The following HK3 variants were observed in gnomAD, a reference collection of about 807,000 sequenced individuals.
The protein encoded by HK3 is hexokinase 3.
In HK3, 93 loss-of-function variants were observed where a neutral mutation model predicts 91.0. That is an observed-to-expected ratio of 1.02 (90% CI 0.86 to 1.21). The LOEUF (loss-of-function observed/expected upper bound fraction) is 1.21, where lower values mean the gene tolerates loss of function less well. Among genes scored for constraint, HK3 ranks in the 50% most tolerant of loss-of-function variants. The pLI, the probability that HK3 is intolerant of heterozygous loss-of-function variation, is 0.00. For synonymous variants in HK3, 519 were observed against 516.9 expected, an observed-to-expected ratio of 1.00 and a Z score of -0.06; for missense variants, 1,235 against 1,247.4, an observed-to-expected ratio of 0.99 and a Z score of 0.15.
rs776797141 is a variant in HK3 at position 176,891,140 on chromosome 5, C to T, written c.311G>A (p.Arg104His). The stretch of plus-strand genomic sequence containing the variant: ...GCCAGTTAGAGTCACCCACAAAACA[C>T]GCAGTGAGGCCCCTGTGGCCCCCAG... Reference protein sequence around the residue: ...LELGATGASLRVLWVTLTGIE... With the variant: ...LELGATGASLHVLWVTLTGIE... Residue 104 changes from arginine to histidine, a missense_variant, in exon 4 of 19, where the codon CGT becomes CAT. Arg to His is a conservative substitution (Grantham distance 29). Transcript: ENST00000292432. The T allele has an allele frequency of 4.1e-5, 66 of 1,614,048 alleles. No individual in the cohort carries two copies. The highest frequency in any genetic ancestry group is 1.3e-4 in the South Asian group (12 of 91,092).
Position 176,890,865 on chromosome 5 carries a change from C to T in HK3, c.491G>A (p.Gly164Asp). 6.2e-7 allele frequency: 1 copy of T among 1,614,102 alleles called. No individual in the cohort carries two copies. The highest frequency in any genetic ancestry group is 2.2e-5 in the East Asian group (1 of 44,878). ...GTGACAAGGGAAAGAGAAGCTGAAG[C>T]CAAGCTGCAGACCCTGTTTGTTCAC... is the stretch of plus-strand genomic sequence containing the variant. ...QPVNKQGLQLGFSFSFPCHQT... is the reference protein window; with the variant it reads ...QPVNKQGLQLDFSFSFPCHQT... The change falls in exon 5 of 19, where the codon GGC becomes GAC. Residue 164 changes from glycine to aspartate, a missense_variant. Gly to Asp is a moderately conservative substitution (Grantham distance 94). Coordinates refer to ENST00000292432, the MANE Select transcript of HK3 (RefSeq NM_002115.3).
At position 176,880,969 on chromosome 5, in the gene HK3, A is replaced by G. The variant is rs1280722711; in HGVS notation, c.*104T>C. The G allele has an allele frequency of 2.3e-6, 3 of 1,327,150 alleles. No homozygotes were observed. The highest frequency in any genetic ancestry group is 3.0e-6 in the Non-Finnish European group (3 of 992,418). The allele number at this position is 1,327,150 out of a possible 1,614,324, so 82.2% of individuals were successfully genotyped here. ...TGGCCGCAGAGGGGTCACACATGGG[A>G]TGTCCCAGGAGTCCTGGGTGGCTGG... On this transcript the variant is annotated 3_prime_UTR_variant, in exon 19 of 19. Transcript: ENST00000292432.
Position 176,887,652 on chromosome 5 carries a change from C to G in HK3, c.1399G>C (p.Ala467Pro), listed in dbSNP as rs1758635882. The G allele has an allele frequency of 6.2e-7, 1 of 1,613,652 alleles. No individual in the cohort carries two copies. The highest frequency in any genetic ancestry group is 8.5e-7 in the Non-Finnish European group (1 of 1,179,978). The change falls in exon 11 of 19, where the codon GCG (alanine) becomes CCG (proline). Residue 467 changes from alanine (A) to proline (P), a missense_variant. Transcript: ENST00000292432. The surrounding 1 kb of genome is among the most constrained non-coding windows in gnomAD (Gnocchi z 4.9). ...PSVDGGGRGV[A>P]MVTAVAARLA... ...CGGGCAGCCACGGCAGTCACCATCG[C>G]CACTCCCCGGCCACCACCATCCACA...
At chr5:176,882,210 C>T (rs1029135769) in intron 15 of HK3, 83 bp from the exon 16 acceptor site, 65 of 1,424,106 alleles carry the variant, frequency 4.6e-5, no homozygotes, top group South Asian at 4.2e-4. Flanking sequence ...GAGATGGCAA[C>T]GATTCGGGCT....
chr5:176,896,218 A>T, intron 1 of HK3, 33 bp from the exon 2 acceptor site: 1 of 1,287,494 alleles, frequency 7.8e-7, no homozygotes, highest in Non-Finnish European at 1.1e-6. Flanking sequence ...TGGGTCAACC[A>T]TTTACTCTAT....
rs141954469 is a variant in HK3, at chr5:176,887,264, G to A, written c.1674C>T (p.Gly558=). ...AGTAGATCTCGCTGGTGATCTGCAC[G>A]CCTGTGGTCACACGTACCAGGAGGA... is the stretch of plus-strand genomic sequence containing the variant. The part of the protein sequence containing the change: ...FRVLLVRVTT[G]VQITSEIYSI... Residue 558 remains glycine, a synonymous_variant, in exon 12 of 19, where the codon GGC becomes GGT. Transcript: ENST00000292432. This position sits in a 1 kb window ranked among gnomAD's most constrained non-coding sequence, Gnocchi z 4.9. 1.7e-5 allele frequency: 27 copies of A among 1,605,344 alleles called. No homozygotes were observed. Among genetic ancestry groups the A allele is most frequent in the African/African-American group, 4.2e-5 (3 of 71,952 alleles).
At chr5:176,892,766 G>T (rs1758812061) in intron 2 of HK3, among the ~76,000 whole-genome samples, 1 of 152,222 alleles carries the variant, frequency 6.6e-6, no homozygotes. Flanking sequence ...GCTCCAGGGA[G>T]GAGAGGCTGG....
chr5:176,887,725 C>T lies in HK3; in HGVS notation c.1326G>A (p.Gly442=), dbSNP rs61738621. 1 of 1,611,528 alleles carries T rather than the reference C, an allele frequency of 6.2e-7. No individual in the cohort carries two copies. Among genetic ancestry groups the T allele is most frequent in the Non-Finnish European group, 8.5e-7 (1 of 1,178,280 alleles). The change falls in exon 11 of 19, where the codon GGG becomes GGA. Residue 442 remains glycine (G), a synonymous_variant. Transcript: ENST00000292432. The surrounding 1 kb of genome is among the most constrained non-coding windows in gnomAD (Gnocchi z 4.9). ...ATTCCGGGGCCAGGAGCATCACTGT[C>T]CCCTGCAGGACGCTGCAGAACCTAC... ...RHPRFCSVLQ[G]TVMLLAPECD... is the part of the protein sequence containing the mutation.
chr5:176,892,695 A>G (rs1758810658), intron 2 of HK3, among the ~76,000 whole-genome samples: 1 of 152,104 alleles, frequency 6.6e-6, no homozygotes, highest in Non-Finnish European at 1.5e-5. Flanking sequence ...TCAATGACCT[A>G]TTGCCCCAAA....
rs1581295748 is a variant in HK3, at chr5:176,887,757, A to T, written c.1305-11T>A. The T allele has an allele frequency of 6.3e-7, 1 of 1,593,844 alleles. No individual in the cohort carries two copies. Among genetic ancestry groups the T allele is most frequent in the African/African-American group, 1.3e-5 (1 of 74,722 alleles). On this transcript the variant is annotated splice_polypyrimidine_tract_variant and intron_variant, in intron 10 of 18. Coordinates refer to ENST00000292432, the MANE Select transcript of HK3 (RefSeq NM_002115.3). This position sits in a 1 kb window ranked among gnomAD's most constrained non-coding sequence, Gnocchi z 4.9. ...AGGACGCTGCAGAACCTACAGATAC[A>T]TACAGGTGCACCCGGCTTGGCCCTG...
intron 1 of HK3, among the ~76,000 whole-genome samples, chr5:176,898,033 C>A (rs144838369): frequency 6.6e-6 from 1 of 152,180 alleles, no homozygotes; most frequent in Non-Finnish European, 1.5e-5. Context: ...GGGCTGCCTG[C>A]GCGCATCCCT....
rs1758703095 is a variant in HK3, at chr5:176,889,497, G to A, written c.798C>T (p.Gly266=). 6.2e-7 allele frequency: 1 copy of A among 1,614,054 alleles called. No homozygotes were observed. Among genetic ancestry groups the A allele is most frequent in the African/African-American group, 1.3e-5 (1 of 74,950 alleles). Reference sequence around the variant, plus strand: ...CCCACTCGACGCTGACGCAGACGCGGCCCCGGTCTTCGTCCAGCACTGCCA... The same window carrying A: ...CCCACTCGACGCTGACGCAGACGCGACCCCGGTCTTCGTCCAGCACTGCCA... ...RHVAVLDEDR[G]RVCVSVEWGS... Residue 266 remains glycine, a synonymous_variant, in exon 8 of 19, where the codon GGC becomes GGT. Coordinates refer to ENST00000292432, the MANE Select transcript of HK3 (RefSeq NM_002115.3).
At chr5:176,897,285 G>A (rs1758930813) in intron 1 of HK3, among the ~76,000 whole-genome samples, 1 of 152,126 alleles carries the variant, frequency 6.6e-6, no homozygotes, top group Non-Finnish European at 1.5e-5. Flanking sequence ...CAGATACTTC[G>A]CTCATCCGAG....
chr5:176,881,611 G>T, intron 17 of HK3, 76 bp from the exon 18 acceptor site: 1 of 1,591,522 alleles, frequency 6.3e-7, no homozygotes, highest in Non-Finnish European at 8.6e-7. Context: ...AGCAGACCTC[G>T]TCACCACCCA....
chr5:176,893,618 A>C (rs1451731952), intron 2 of HK3, among the ~76,000 whole-genome samples: 1 of 152,236 alleles, frequency 6.6e-6, no homozygotes, highest in Non-Finnish European at 1.5e-5. Context: ...TGGAAGTGCC[A>C]AGTGCCATTG....
Position 176,887,504 on chromosome 5 carries a change from G to C in HK3, c.1547C>G (p.Ala516Gly), listed in dbSNP as rs748507819. ...AGTGGGCAGCATGCGAAGGGAGGAGGCCTCCCCTCGGAGCCCCTTGGCCAT... is the reference window on the plus strand; with the variant it reads ...AGTGGGCAGCATGCGAAGGGAGGAGCCCTCCCCTCGGAGCCCCTTGGCCAT... ...KAMAKGLRGE[A>G]SSLRMLPTFV... is the part of the protein sequence containing the mutation. Residue 516 changes from alanine to glycine, a missense_variant, in exon 11 of 19, where the codon GCC becomes GGC. Coordinates refer to ENST00000292432, the MANE Select transcript of HK3 (RefSeq NM_002115.3). The surrounding 1 kb of genome is among the most constrained non-coding windows in gnomAD (Gnocchi z 4.9). The C allele has an allele frequency of 6.2e-6, 10 of 1,613,552 alleles. No homozygotes were observed. The highest frequency in any genetic ancestry group is 1.3e-5 in the African/African-American group (1 of 74,910).
In HK3 at chr5:176,887,628, G is replaced by T. The variant is rs370917389; in HGVS notation, c.1423C>A (p.Arg475Ser). 1.5e-5 allele frequency: 25 copies of T among 1,613,394 alleles called. No homozygotes were observed. The African/African-American group carries it at 2.8e-4, about 18-fold the overall frequency. ...GVAMVTAVAA[R>S]LAAHRRLLEE... The stretch of plus-strand genomic sequence containing the variant: ...AGCAGGCGCCGGTGGGCAGCCAGAC[G>T]GGCAGCCACGGCAGTCACCATCGCC... Residue 475 changes from arginine to serine, a missense_variant, in exon 11 of 19, where the codon CGT becomes AGT. By Grantham distance (110) the Arg-to-Ser change is moderately radical. Coordinates refer to ENST00000292432, the MANE Select transcript of HK3 (RefSeq NM_002115.3). The surrounding 1 kb of genome is among the most constrained non-coding windows in gnomAD (Gnocchi z 4.9).
At chr5:176,890,342 C>A (rs1339546941) in intron 6 of HK3, among the ~76,000 whole-genome samples, 13 of 152,226 alleles carry the variant, frequency 8.5e-5, no homozygotes, top group African/African-American at 2.4e-4. Flanking sequence ...TATTAGAATG[C>A]TTCCCCATCT....
chr5:176,881,622 T>C, intron 17 of HK3, 70 bp downstream of exon 17: 4 of 1,597,028 alleles, frequency 2.5e-6, no homozygotes, highest in Admixed American at 1.7e-5. Flanking sequence ...TCACCACCCA[T>C]GGCCAGCAAT....
Sources: allele counts gnomAD v4.1 joint callset (sites outside exome capture counted in the v4.1 genomes callset), GRCh38; gene constraint gnomAD v4.1.1; non-coding constraint Gnocchi (gnomAD v3.1); transcripts MANE v1.5; gene names NCBI Gene and HGNC (gene_info 2026-07-23, HGNC 2026-07-21).